DDX10: variants seen among roughly 807,000 people sequenced by gnomAD.
DDX10 encodes DEAD-box helicase 10, also known as probable ATP-dependent RNA helicase DDX10.
DDX10 carries 74 observed loss-of-function variants against 104.3 expected under a neutral mutation model. The observed-to-expected ratio is 0.71, with a 90% CI of 0.59 to 0.86. The LOEUF is 0.86. Among genes scored for constraint, DDX10 ranks in the 40% least tolerant of loss-of-function variants. The pLI, the probability that DDX10 is intolerant of heterozygous loss-of-function variation, is 0.00. For missense variants in DDX10, 952 were observed against 1,040.0 expected, an observed-to-expected ratio of 0.92 and a Z score of 1.16; for synonymous variants, 351 against 353.4, an observed-to-expected ratio of 0.99 and a Z score of 0.08.
chr11:108,784,089 T>C (rs1194704604), intron 13 of DDX10, among the ~76,000 whole-genome samples: 2 of 152,214 alleles, frequency 1.3e-5, no homozygotes, highest in African/African-American at 2.4e-5. Context: ...ATTTTTACTA[T>C]TGTGAATAAC....
intron 9 of DDX10, among the ~76,000 whole-genome samples, chr11:108,695,630 T>A (rs2094258701): frequency 6.6e-6 from 1 of 152,202 alleles, no homozygotes; most frequent in Admixed American, 6.5e-5. Flanking sequence ...TTGTTTTTGT[T>A]TTTATGTGGT....
intron 10 of DDX10, among the ~76,000 whole-genome samples, chr11:108,708,034 G>C (rs559518164): frequency 3.9e-5 from 6 of 152,072 alleles, no homozygotes; most frequent in Non-Finnish European, 8.8e-5. Flanking sequence ...GGGTCAGAAG[G>C]TAAGAATATG....
At position 108,715,921 on chromosome 11, in the gene DDX10, A is replaced by G. The variant is rs555677731; in HGVS notation, c.1365A>G (p.Glu455=). The G allele has an allele frequency of 1.3e-6, 2 of 1,568,538 alleles. No homozygotes were observed. Among genetic ancestry groups the G allele is most frequent in the Non-Finnish European group, 1.8e-6 (2 of 1,141,620 alleles). ...EKLIDVQKKL[E]SILAQDQDLK... ...TTATAGATGTCCAGAAAAAATTGGA[A>G]TCTATTTTAGCTCAAGATCAAGATT... is the stretch of plus-strand genomic sequence containing the variant. Residue 455 remains glutamate (E), a synonymous_variant, in exon 11 of 18, where the codon GAA becomes GAG. Transcript: ENST00000322536.
chr11:108,814,553 C>T (rs1862228664), intron 13 of DDX10, among the ~76,000 whole-genome samples: 1 of 151,928 alleles, frequency 6.6e-6, no homozygotes, highest in Non-Finnish European at 1.5e-5. Context: ...AGACTGAATG[C>T]AATAAAAATG....
chr11:108,696,418 C>T (rs956276495), intron 9 of DDX10, among the ~76,000 whole-genome samples: 2 of 152,066 alleles, frequency 1.3e-5, no homozygotes, highest in Non-Finnish European at 2.9e-5. Context: ...CTCAAGTGAT[C>T]CGCCCGCCTC....
At chr11:108,818,747 A>G (rs1320873941) in intron 13 of DDX10, among the ~76,000 whole-genome samples, 1 of 152,226 alleles carries the variant, frequency 6.6e-6, no homozygotes, top group Non-Finnish European at 1.5e-5. Flanking sequence ...ATAACATACT[A>G]ACTTGGAAAT....
At chr11:108,706,454 A>G (rs919396177) in intron 9 of DDX10, among the ~76,000 whole-genome samples, 9 of 152,194 alleles carry the variant, frequency 5.9e-5, no homozygotes, top group East Asian at 3.8e-4. Flanking sequence ...TCTCCTTGTT[A>G]TATGGGTAGA....
In DDX10 at chr11:108,723,054, A is replaced by G; in HGVS notation, c.1557A>G (p.Gln519=). Residue 519 remains glutamine (Q), a synonymous_variant, in exon 13 of 18, where the codon CAA becomes CAG. Transcript: ENST00000322536. ...RVRFLQKMQK[Q]PTKELVRSQA... ...GATTTCTTCAGAAAATGCAGAAACA[A>G]CCCACCAAAGAATTGGTAAGGAGCC... 2 of 1,612,966 alleles carry G rather than the reference A, an allele frequency of 1.2e-6. No individual in the cohort carries two copies. Among genetic ancestry groups the G allele is most frequent in the South Asian group, 2.2e-5 (2 of 90,866 alleles).
In DDX10 at chr11:108,693,504, C is replaced by A. The variant is rs111518330; in HGVS notation, c.1139-12C>A. The A allele has an allele frequency of 3.7e-4, 597 of 1,608,394 alleles. 1 individual carries two copies. In the African/African-American group the frequency reaches 6.4e-3, roughly 17 times the overall value. ...GCAACCAGTTTCTTAACTTCACATC[C>A]CTTCTCTGTAGATTTCCCGGCCGTG... On this transcript the variant is annotated splice_polypyrimidine_tract_variant and intron_variant, in intron 8 of 17. Transcript: ENST00000322536.
intron 13 of DDX10, among the ~76,000 whole-genome samples, chr11:108,819,663 A>G (rs1014690011): frequency 2.0e-5 from 3 of 151,886 alleles, no homozygotes; most frequent in African/African-American, 7.3e-5. Flanking sequence ...CAATGGTGCA[A>G]TCTCAGCTCA....
chr11:108,723,369 G>A lies in DDX10; in HGVS notation c.1872G>A (p.Leu624=). 1.2e-6 allele frequency: 2 copies of A among 1,613,948 alleles called. No homozygotes were observed. Among genetic ancestry groups the A allele is most frequent in the South Asian group, 1.1e-5 (1 of 91,062 alleles). ...TCAAGGAAGTTCCTACACAGTTCTT[G>A]GACAGAGATGAGGAGGAAGAAGATG... The part of the protein sequence containing the change: ...QKIKEVPTQF[L]DRDEEEEDAD... The change falls in exon 13 of 18, where the codon TTG becomes TTA. Residue 624 remains leucine (L), a synonymous_variant. Coordinates refer to ENST00000322536, the MANE Select transcript of DDX10 (RefSeq NM_004398.4).
chr11:108,695,760 G>GTTT (rs34985675), intron 9 of DDX10, among the ~76,000 whole-genome samples: 1 of 139,126 alleles, frequency 7.2e-6, no homozygotes, highest in Non-Finnish European at 1.6e-5. Flanking sequence ...GTGTTTAAGT[G>GTTT]TTTTTTTTTT....
At chr11:108,761,493 G>C (rs957314836) in intron 13 of DDX10, among the ~76,000 whole-genome samples, 2 of 151,842 alleles carry the variant, frequency 1.3e-5, no homozygotes, top group Non-Finnish European at 2.9e-5. Context: ...ACATTCCCTT[G>C]GTTTCGTATG....
intron 17 of DDX10, 188 bp downstream of exon 17, chr11:108,918,206 C>A: frequency 3.3e-6 from 2 of 608,482 alleles, no homozygotes; most frequent in South Asian, 4.4e-5. Flanking sequence ...TTGTTCTGGT[C>A]ATGTTAGGGC....
chr11:108,671,456 G>C (rs140091118), intron 1 of DDX10, among the ~76,000 whole-genome samples: 1 of 152,324 alleles, frequency 6.6e-6, no homozygotes, highest in African/African-American at 2.4e-5. Flanking sequence ...GAGCCATCGT[G>C]CCTGGCTGGG....
chr11:108,762,007 T>A (rs1056224518), intron 13 of DDX10, among the ~76,000 whole-genome samples: 3 of 152,196 alleles, frequency 2.0e-5, no homozygotes, highest in Admixed American at 1.3e-4. Flanking sequence ...CAGTTGACAT[T>A]TATTGTTTAG....
chr11:108,879,647 A>T (rs956745796), intron 16 of DDX10, among the ~76,000 whole-genome samples: 1 of 152,154 alleles, frequency 6.6e-6, no homozygotes, highest in African/African-American at 2.4e-5. Flanking sequence ...ACCTGTTCTT[A>T]TTATCAAGTT....
At chr11:108,876,565 A>T (rs1409633917) in intron 16 of DDX10, among the ~76,000 whole-genome samples, 1 of 152,192 alleles carries the variant, frequency 6.6e-6, no homozygotes, top group Non-Finnish European at 1.5e-5. Context: ...CCTGGATTAA[A>T]ACCCAGTGTA....
At chr11:108,787,707 C>T (rs547695032) in intron 13 of DDX10, among the ~76,000 whole-genome samples, 11 of 151,802 alleles carry the variant, frequency 7.2e-5, no homozygotes, top group South Asian at 2.1e-4. Context: ...CTGAGGTGGG[C>T]GGATCACCTG....
Sources: allele counts gnomAD v4.1 joint callset (sites outside exome capture counted in the v4.1 genomes callset), GRCh38; gene constraint gnomAD v4.1.1; transcripts MANE v1.5; gene names NCBI Gene and HGNC (gene_info 2026-07-23, HGNC 2026-07-21).